The following CRIM1 variants were observed in gnomAD, a reference collection of about 807,000 sequenced individuals.
CRIM1 encodes the protein cysteine-rich motor neuron 1 protein.
CRIM1 carries 32 observed loss-of-function variants against 116.4 expected under a neutral mutation model. The ratio of observed to expected loss-of-function variants is 0.27; its 90% CI spans 0.21 to 0.37. The LOEUF is 0.37. Ranked by LOEUF, CRIM1 falls within the 10% of genes least tolerant of loss-of-function variation. The pLI is 1.00. For missense variants in CRIM1, 1,331 were observed against 1,354.8 expected, an observed-to-expected ratio of 0.98 and a Z score of 0.28; for synonymous variants, 590 against 509.2, an observed-to-expected ratio of 1.16 and a Z score of -2.13.
intron 1 of CRIM1, among the ~76,000 whole-genome samples, chr2:36,365,883 G>A (rs890270954): frequency 6.6e-6 from 1 of 152,058 alleles, no homozygotes; most frequent in African/African-American, 2.4e-5. Flanking sequence ...ACAGGCATGT[G>A]CCACCACGCC....
At chr2:36,513,393 A>C in intron 10 of CRIM1, 163 bp from the exon 11 acceptor site, 1 of 607,038 alleles carries the variant, frequency 1.6e-6, no homozygotes, top group Non-Finnish European at 3.0e-6. Context: ...AAGATTGAGA[A>C]CATACTGACT....
intron 1 of CRIM1, among the ~76,000 whole-genome samples, chr2:36,370,392 A>G (rs750519353): frequency 1.1e-4 from 16 of 152,114 alleles, no homozygotes; most frequent in Admixed American, 2.0e-4. Context: ...ATTTTCAAAC[A>G]CTGCCCTGGG....
intron 1 of CRIM1, among the ~76,000 whole-genome samples, chr2:36,373,768 G>A (rs931221936): frequency 5.3e-5 from 8 of 151,770 alleles, no homozygotes; most frequent in African/African-American, 1.5e-4. Flanking sequence ...ATTATGTGAT[G>A]TGTGCATGTG....
intron 13 of CRIM1, among the ~76,000 whole-genome samples, chr2:36,535,524 A>G (rs1478333145): frequency 1.3e-5 from 2 of 152,196 alleles, no homozygotes; most frequent in African/African-American, 2.4e-5. Context: ...TCTGATTACA[A>G]CTAGAACTTT....
chr2:36,489,349 A>C (rs1337593990), intron 7 of CRIM1, among the ~76,000 whole-genome samples: 2 of 152,182 alleles, frequency 1.3e-5, no homozygotes, highest in Non-Finnish European at 2.9e-5. Context: ...ATATGTTTGG[A>C]GATAATAAGC....
chr2:36,425,840 C>T (rs1007813439), intron 2 of CRIM1, among the ~76,000 whole-genome samples: 2 of 152,200 alleles, frequency 1.3e-5, no homozygotes, highest in African/African-American at 4.8e-5. Context: ...TAGAGCCTTG[C>T]AATTCATTGC....
intron 8 of CRIM1, 200 bp downstream of exon 8, chr2:36,499,547 T>C (rs1273319282): frequency 5.5e-6 from 3 of 542,992 alleles, no homozygotes; most frequent in Non-Finnish European, 9.4e-6. Flanking sequence ...TGTGTTTTTT[T>C]CTCTGTTTCC....
chr2:36,452,896 G>A (rs1317907139), intron 4 of CRIM1, among the ~76,000 whole-genome samples: 1 of 152,186 alleles, frequency 6.6e-6, no homozygotes, highest in Non-Finnish European at 1.5e-5. Flanking sequence ...CAGTAAAGTT[G>A]AAAGCGGAAT....
chr2:36,424,358 C>T (rs764856273), intron 2 of CRIM1, among the ~76,000 whole-genome samples: 7 of 152,136 alleles, frequency 4.6e-5, no homozygotes, highest in African/African-American at 9.7e-5. Flanking sequence ...ATTGTTCAAC[C>T]GTGTCTCTCC....
intron 8 of CRIM1, among the ~76,000 whole-genome samples, chr2:36,507,312 G>C (rs1465698188): frequency 1.3e-5 from 2 of 152,182 alleles, no homozygotes; most frequent in East Asian, 3.8e-4. Flanking sequence ...GCAAGTGCTA[G>C]TATTTCAGGA....
At chr2:36,510,176 T>A (rs202157362) in intron 9 of CRIM1, 37 bp downstream of exon 9, 30 of 1,581,378 alleles carry the variant, frequency 1.9e-5, no homozygotes, top group Non-Finnish European at 2.3e-5. Context: ...TATTATGAAG[T>A]GCAACTTGGT....
chr2:36,385,136 A>C (rs377092103), intron 1 of CRIM1, among the ~76,000 whole-genome samples: 16 of 152,082 alleles, frequency 1.1e-4, no homozygotes, highest in African/African-American at 1.7e-4. Context: ...TATTTAGGGA[A>C]GATATTTCTT....
intron 8 of CRIM1, among the ~76,000 whole-genome samples, chr2:36,506,179 TCTCACACACACACACACA>T (rs1216162466): frequency 1.1e-5 from 1 of 91,680 alleles, no homozygotes; most frequent in African/African-American, 3.6e-5. Context: ...TCTCTCTCTC[TCTCACACACACACACACA>T]CACACACACA....
intron 2 of CRIM1, among the ~76,000 whole-genome samples, chr2:36,397,740 G>A (rs1376933465): frequency 6.6e-6 from 1 of 152,140 alleles, no homozygotes; most frequent in Non-Finnish European, 1.5e-5. Flanking sequence ...TGGTAAGGAA[G>A]AAGAAATTTG....
intron 1 of CRIM1, among the ~76,000 whole-genome samples, chr2:36,387,113 C>T (rs973599723): frequency 6.6e-6 from 1 of 152,140 alleles, no homozygotes; most frequent in Non-Finnish European, 1.5e-5. Context: ...AACTCCATAT[C>T]CTTAAGAAGT....
intron 5 of CRIM1, among the ~76,000 whole-genome samples, chr2:36,475,773 G>A (rs556127002): frequency 5.3e-5 from 8 of 152,276 alleles, no homozygotes; most frequent in African/African-American, 1.9e-4. Flanking sequence ...AGTTGGTTGA[G>A]CATTTTTATC....
chr2:36,464,506 G>A (rs185105825), intron 4 of CRIM1, 28 bp from the exon 5 acceptor site: 327 of 1,613,538 alleles, frequency 2.0e-4, no homozygotes, highest in Non-Finnish European at 2.6e-4. Context: ...TATTCATGGG[G>A]TTTTCCTTCC....
chr2:36,449,822 T>A (rs898500088), intron 4 of CRIM1, among the ~76,000 whole-genome samples: 7 of 151,192 alleles, frequency 4.6e-5, no homozygotes, highest in Admixed American at 1.3e-4. Flanking sequence ...AAGGAGAAAG[T>A]CCAGGGGAAG....
chr2:36,481,696 G>A (rs1340914368), intron 7 of CRIM1, among the ~76,000 whole-genome samples: 1 of 152,170 alleles, frequency 6.6e-6, no homozygotes, highest in Non-Finnish European at 1.5e-5. Flanking sequence ...AAGACATTCA[G>A]GTTTAAGGCG....
Sources: allele counts gnomAD v4.1 joint callset (sites outside exome capture counted in the v4.1 genomes callset), GRCh38; gene constraint gnomAD v4.1.1; transcripts MANE v1.5; gene names NCBI Gene and HGNC (gene_info 2026-07-23, HGNC 2026-07-21).